NOS1AP: variants seen among roughly 807,000 people sequenced by gnomAD.
The protein encoded by NOS1AP is nitric oxide synthase 1 adaptor protein.
A neutral mutation model predicts 56.2 loss-of-function variants in NOS1AP; 21 were observed. That is an observed-to-expected ratio of 0.37 (90% CI 0.26 to 0.54). NOS1AP has a LOEUF of 0.54. NOS1AP is among the 20% of genes least tolerant of loss of function. The pLI, the probability that NOS1AP is intolerant of heterozygous loss-of-function variation, is 0.84. For synonymous variants in NOS1AP, 270 were observed against 274.6 expected, an observed-to-expected ratio of 0.98 and a Z score of 0.17; for missense variants, 522 against 657.8, an observed-to-expected ratio of 0.79 and a Z score of 2.26.
In NOS1AP at chr1:162,365,500, C is replaced by G; in HGVS notation, c.1036C>G (p.Leu346Val). The G allele has an allele frequency of 6.2e-7, 1 of 1,613,924 alleles. No individual in the cohort carries two copies. Among genetic ancestry groups the G allele is most frequent in the Non-Finnish European group, 8.5e-7 (1 of 1,180,050 alleles). Residue 346 changes from leucine (L) to valine (V), a missense_variant, in exon 9 of 10, where the codon CTC (leucine) becomes GTC (valine). This residue lies in a region of NOS1AP where 52 missense variants were observed against 94.5 expected (regional missense o/e 0.55). Coordinates refer to ENST00000361897, the MANE Select transcript of NOS1AP (RefSeq NM_014697.3). Reference sequence around the variant, plus strand: ...GCTTTTGCTGCAGAACAAGGACATGCTCCAGCACATCTCCCTGCTGGTCAA... The same window carrying G: ...GCTTTTGCTGCAGAACAAGGACATGGTCCAGCACATCTCCCTGCTGGTCAA... Reference protein sequence around the residue: ...HQLLLQNKDMLQHISLLVKQV... With the variant: ...HQLLLQNKDMVQHISLLVKQV...
At chr1:162,238,131 T>C (rs750133771) in intron 2 of NOS1AP, among the ~76,000 whole-genome samples, 19 of 152,060 alleles carry the variant, frequency 1.2e-4, no homozygotes, top group Non-Finnish European at 2.6e-4. Flanking sequence ...GTGCAGTGCT[T>C]TAACCTGATA....
intron 2 of NOS1AP, among the ~76,000 whole-genome samples, chr1:162,243,004 C>A (rs1337588598): frequency 6.6e-6 from 1 of 152,106 alleles, no homozygotes. Flanking sequence ...TGTATACATA[C>A]ACCCACAGAC....
chr1:162,342,452 G>A, intron 5 of NOS1AP: 2 of 461,400 alleles, frequency 4.3e-6, no homozygotes, highest in Non-Finnish European at 8.9e-6. Context: ...CTCCAGGCTT[G>A]AGGAGAAGCA....
chr1:162,200,028 C>T (rs918894103), intron 2 of NOS1AP, among the ~76,000 whole-genome samples: 6 of 152,100 alleles, frequency 3.9e-5, no homozygotes, highest in African/African-American at 1.2e-4. Context: ...CATGTTACCA[C>T]GCGAGATCTC....
intron 2 of NOS1AP, among the ~76,000 whole-genome samples, chr1:162,174,198 G>A (rs986192536): frequency 2.0e-5 from 3 of 152,004 alleles, no homozygotes; most frequent in African/African-American, 7.3e-5. Flanking sequence ...AGAAAATGTG[G>A]CACATATACA....
Position 162,070,159 on chromosome 1 carries a change from G to C in NOS1AP, c.-19G>C. On this transcript the variant is annotated 5_prime_UTR_variant, in exon 1 of 10. Transcript: ENST00000361897. ...CTGCAGCCGCCGCCTCCGAAGGAGC[G>C]GGTCCGCCGCGGGTAACCATGCCTA... The C allele has an allele frequency of 6.2e-7, 1 of 1,606,178 alleles. No individual in the cohort carries two copies. Among genetic ancestry groups the C allele is most frequent in the South Asian group, 1.1e-5 (1 of 90,930 alleles).
intron 1 of NOS1AP, among the ~76,000 whole-genome samples, chr1:162,148,974 A>G (rs1431108542): frequency 6.6e-6 from 1 of 152,172 alleles, no homozygotes; most frequent in Non-Finnish European, 1.5e-5. Flanking sequence ...CATGCTTGAA[A>G]AACCGGTGGA....
chr1:162,231,720 A>G (rs1459304147), intron 2 of NOS1AP, among the ~76,000 whole-genome samples: 1 of 152,190 alleles, frequency 6.6e-6, no homozygotes, highest in African/African-American at 2.4e-5. Context: ...AAAGCAGGGC[A>G]AAGCAGGAGA....
chr1:162,300,668 T>C lies in NOS1AP; in HGVS notation c.306T>C (p.Asp102=). 2.5e-6 allele frequency: 4 copies of C among 1,613,678 alleles called. No individual in the cohort carries two copies. Among genetic ancestry groups the C allele is most frequent in the Non-Finnish European group, 1.7e-6 (2 of 1,179,618 alleles). Reference sequence around the variant, plus strand: ...TGCAGAAAAAGGAATGGACGTGGGATGAGAGCAAGATGCTGGTGATGCAGG... The same window carrying C: ...TGCAGAAAAAGGAATGGACGTGGGACGAGAGCAAGATGCTGGTGATGCAGG... The part of the protein sequence containing the change: ...LLLQKKEWTW[D]ESKMLVMQDP... Residue 102 remains aspartate (D), a synonymous_variant, in exon 4 of 10, where the codon GAT becomes GAC. Transcript: ENST00000361897.
chr1:162,360,724 C>G, intron 8 of NOS1AP: 1 of 442,472 alleles, frequency 2.3e-6, no homozygotes, highest in Non-Finnish European at 4.6e-6. Flanking sequence ...GTGGCTTCTC[C>G]CAGTCCCCAG....
At chr1:162,148,134 G>A (rs1352528937) in intron 1 of NOS1AP, among the ~76,000 whole-genome samples, 6 of 152,240 alleles carry the variant, frequency 3.9e-5, no homozygotes, top group Admixed American at 1.3e-4. Flanking sequence ...GAGTGTAATG[G>A]AGGGCTGGAA....
Position 162,188,664 on chromosome 1 carries a change from T to G in NOS1AP, c.177+34188T>G, listed in dbSNP as rs1651518271. On this transcript the variant is annotated intron_variant, in intron 2 of 9. Coordinates refer to ENST00000361897, the MANE Select transcript of NOS1AP (RefSeq NM_014697.3). This position sits in a 1 kb window ranked among gnomAD's most constrained non-coding sequence, Gnocchi z 4.0. ...TGAATGTGGGCTGCATGTGTAGTGG[T>G]CTTATGTGCCTTCCTTGAAGTGCAG... 6.6e-6 allele frequency among the ~76,000 whole-genome samples: 1 copy of G among 152,194 alleles called. No individual in the cohort carries two copies. Among genetic ancestry groups the G allele is most frequent in the South Asian group, 2.1e-4 (1 of 4,830 alleles).
intron 2 of NOS1AP, among the ~76,000 whole-genome samples, chr1:162,164,058 C>T (rs560123160): frequency 5.0e-4 from 76 of 152,230 alleles, no homozygotes; most frequent in Admixed American, 1.2e-3. Context: ...AAATAAGGTG[C>T]TTTGCTTTAT....
At chr1:162,311,592 T>G (rs10158136) in intron 4 of NOS1AP, among the ~76,000 whole-genome samples, 13 of 148,746 alleles carry the variant, frequency 8.7e-5, no homozygotes, top group Non-Finnish European at 1.5e-4. Context: ...TTTTTTTTTT[T>G]TAATTATACT....
chr1:162,258,404 T>C (rs1654102532), intron 2 of NOS1AP, among the ~76,000 whole-genome samples: 1 of 152,176 alleles, frequency 6.6e-6, no homozygotes, highest in South Asian at 2.1e-4. Flanking sequence ...AGAATTATTG[T>C]AAGAACATTC....
At position 162,367,357 on chromosome 1, in the gene NOS1AP, G is replaced by C; in HGVS notation, c.1411G>C (p.Asp471His). The C allele has an allele frequency of 6.2e-7, 1 of 1,612,448 alleles. No individual in the cohort carries two copies. Among genetic ancestry groups the C allele is most frequent in the Non-Finnish European group, 8.5e-7 (1 of 1,179,526 alleles). ...GIASEYESNT[D>H]ESEERDSWSQ... ...CGCCTCGGAGTACGAGTCCAACACGGACGAGAGCGAGGAGCGCGACTCGTG... is the reference window on the plus strand; with the variant it reads ...CGCCTCGGAGTACGAGTCCAACACGCACGAGAGCGAGGAGCGCGACTCGTG... Residue 471 changes from aspartate to histidine, a missense_variant, in exon 10 of 10, where the codon GAC (aspartate) becomes CAC (histidine). This residue lies in a region of NOS1AP where 160 missense variants were observed against 180.3 expected (regional missense o/e 0.89). Transcript: ENST00000361897. The surrounding 1 kb of genome is among the most constrained non-coding windows in gnomAD (Gnocchi z 6.5).
chr1:162,080,512 G>A (rs1200619591), intron 1 of NOS1AP, among the ~76,000 whole-genome samples: 1 of 152,174 alleles, frequency 6.6e-6, no homozygotes, highest in African/African-American at 2.4e-5. Flanking sequence ...GTAAGGGGGT[G>A]ACCAAGAAGG....
At chr1:162,272,822 G>A (rs982783142) in intron 2 of NOS1AP, among the ~76,000 whole-genome samples, 5 of 152,156 alleles carry the variant, frequency 3.3e-5, no homozygotes, top group African/African-American at 7.2e-5. Context: ...ATTTCTGCCC[G>A]TTGAAATGTT....
chr1:162,193,873 C>T (rs568013163), intron 2 of NOS1AP, among the ~76,000 whole-genome samples: 1 of 152,120 alleles, frequency 6.6e-6, no homozygotes, highest in South Asian at 2.1e-4. Flanking sequence ...TGTTTCTTTA[C>T]TTTTCTTTCT....
Sources: allele counts gnomAD v4.1 joint callset (sites outside exome capture counted in the v4.1 genomes callset), GRCh38; gene constraint gnomAD v4.1.1; regional missense constraint gnomAD v4.1.1; non-coding constraint Gnocchi (gnomAD v3.1); transcripts MANE v1.5; gene names NCBI Gene and HGNC (gene_info 2026-07-23, HGNC 2026-07-21).